The following DOCK2 variants were observed in gnomAD, a reference collection of about 807,000 sequenced individuals.
The protein encoded by DOCK2 is dedicator of cytokinesis 2.
DOCK2 carries 87 observed loss-of-function variants against 248.9 expected under a neutral mutation model. That is an observed-to-expected ratio of 0.35 (90% CI 0.29 to 0.42). The LOEUF is 0.42. DOCK2 is among the 10% of genes least tolerant of loss of function. The probability of loss-of-function intolerance (pLI) is 1.00; values close to 1 mark genes in which losing one functional copy is unlikely to be tolerated. For missense variants in DOCK2, 1,747 were observed against 2,300.2 expected, an observed-to-expected ratio of 0.76 and a Z score of 4.92; for synonymous variants, 805 against 821.6, an observed-to-expected ratio of 0.98 and a Z score of 0.35.
At chr5:169,739,067 A>C (rs1235728215) in intron 22 of DOCK2, among the ~76,000 whole-genome samples, 1 of 152,190 alleles carries the variant, frequency 6.6e-6, no homozygotes, top group Non-Finnish European at 1.5e-5. Flanking sequence ...AGCAAGGAAA[A>C]TGTTAAAAGA....
intron 27 of DOCK2, among the ~76,000 whole-genome samples, chr5:169,944,642 C>G (rs904913177): frequency 2.0e-5 from 3 of 152,322 alleles, no homozygotes; most frequent in African/African-American, 7.2e-5. Flanking sequence ...TGGGGACAAT[C>G]CCCACTTCAC....
intron 20 of DOCK2, 45 bp from the exon 21 acceptor site, chr5:169,717,339 C>A: frequency 1.9e-6 from 3 of 1,542,246 alleles, no homozygotes; most frequent in Non-Finnish European, 2.7e-6. Flanking sequence ...TGGCTTCCTG[C>A]CCTGGGTTTG....
intron 27 of DOCK2, among the ~76,000 whole-genome samples, chr5:169,932,230 G>A (rs1187121017): frequency 6.6e-6 from 1 of 152,260 alleles, no homozygotes; most frequent in East Asian, 1.9e-4. Flanking sequence ...AAGGAGGGTG[G>A]GTCCCTGAGT....
At chr5:169,845,693 C>T (rs1433714215) in intron 27 of DOCK2, among the ~76,000 whole-genome samples, 1 of 152,188 alleles carries the variant, frequency 6.6e-6, no homozygotes, top group African/African-American at 2.4e-5. Context: ...TCTGGCTCAT[C>T]CCTGAAGCCT....
At chr5:169,900,741 T>C (rs1393753194) in intron 27 of DOCK2, among the ~76,000 whole-genome samples, 1 of 152,108 alleles carries the variant, frequency 6.6e-6, no homozygotes, top group Non-Finnish European at 1.5e-5. Context: ...TATCTTTCAA[T>C]ACACCAAGTC....
At chr5:169,652,827 A>C (rs1380032491) in intron 1 of DOCK2, among the ~76,000 whole-genome samples, 1 of 152,148 alleles carries the variant, frequency 6.6e-6, no homozygotes, top group Non-Finnish European at 1.5e-5. Flanking sequence ...TCTGTGATGC[A>C]AAAGAATCTG....
At chr5:169,821,730 C>T (rs1175698938) in intron 26 of DOCK2, among the ~76,000 whole-genome samples, 2 of 152,138 alleles carry the variant, frequency 1.3e-5, no homozygotes, top group Non-Finnish European at 1.5e-5. Context: ...CAAAAACCAG[C>T]TAACATCATA....
rs571141093 is a variant in DOCK2, at chr5:170,045,762, G to A, written c.3877-54G>A. 19 of 1,560,552 alleles carry A rather than the reference G, an allele frequency of 1.2e-5. 1 individual carries two copies. Among genetic ancestry groups the A allele is most frequent in the African/African-American group, 1.1e-4 (8 of 73,778 alleles). On this transcript the variant is annotated intron_variant, in intron 38 of 51. Coordinates refer to ENST00000520908, the MANE Select transcript of DOCK2 (RefSeq NM_004946.3). Reference sequence around the variant, plus strand: ...CGCCTGAGTCCCTTCCTCAGCAAGCGCTCTGCAAACCCGGTGGTGCCACCT... The same window carrying A: ...CGCCTGAGTCCCTTCCTCAGCAAGCACTCTGCAAACCCGGTGGTGCCACCT...
intron 27 of DOCK2, among the ~76,000 whole-genome samples, chr5:169,895,840 C>T (rs1287361493): frequency 5.3e-5 from 8 of 152,206 alleles, no homozygotes; most frequent in African/African-American, 9.7e-5. Context: ...GCTCACATAA[C>T]GCAGTGCCTG....
intron 6 of DOCK2, among the ~76,000 whole-genome samples, chr5:169,681,113 C>CTTTTTT (rs764614478): frequency 2.1e-5 from 2 of 94,232 alleles, no homozygotes; most frequent in Non-Finnish European, 2.2e-5. Context: ...TTTAGTAGAC[C>CTTTTTT]TTTTTTTTTT....
At chr5:169,750,589 G>T (rs1045398989) in intron 23 of DOCK2, among the ~76,000 whole-genome samples, 1 of 152,222 alleles carries the variant, frequency 6.6e-6, no homozygotes, top group Non-Finnish European at 1.5e-5. Context: ...GGTGGTTCTT[G>T]TCTGGGTAGC....
intron 27 of DOCK2, among the ~76,000 whole-genome samples, chr5:169,930,941 C>T (rs1447214250): frequency 6.6e-6 from 1 of 152,210 alleles, no homozygotes; most frequent in Non-Finnish European, 1.5e-5. Context: ...CATCACATGT[C>T]ATGGGCCAGT....
intron 11 of DOCK2, among the ~76,000 whole-genome samples, chr5:169,699,018 C>T (rs188091861): frequency 8.5e-5 from 13 of 152,268 alleles, no homozygotes; most frequent in Admixed American, 7.2e-4. Flanking sequence ...CTTAATAGCC[C>T]TAAGGATGGT....
chr5:169,761,566 A>G lies in DOCK2; in HGVS notation c.2495A>G (p.Gln832Arg), dbSNP rs1169398754. 1.9e-6 allele frequency: 3 copies of G among 1,614,024 alleles called. No individual in the cohort carries two copies. The South Asian group carries it at 3.3e-5, about 18-fold the overall frequency. ...ACCTGCATCCCTCCTGTGAAACTCC[A>G]GAAGCAGAAAGTACAGTCTATGAAT... ...FYTCIPPVKLQKQKVQSMNEI... is the reference protein window; with the variant it reads ...FYTCIPPVKLRKQKVQSMNEI... Residue 832 changes from glutamine to arginine, a missense_variant, in exon 25 of 52, where the codon CAG becomes CGG. Coordinates refer to ENST00000520908, the MANE Select transcript of DOCK2 (RefSeq NM_004946.3).
chr5:170,028,563 ACAT>A (rs1269022023), intron 34 of DOCK2: 1 of 154,408 alleles, frequency 6.5e-6, no homozygotes, highest in African/African-American at 2.4e-5. Context: ...TGGAGTCAGG[ACAT>A]CATTTTAACA....
At chr5:170,046,859 G>T (rs564003863) in intron 39 of DOCK2, among the ~76,000 whole-genome samples, 1 of 151,992 alleles carries the variant, frequency 6.6e-6, no homozygotes, top group Non-Finnish European at 1.5e-5. Context: ...ACAGGCCCCC[G>T]TCTAGATCCA....
intron 8 of DOCK2, 80 bp downstream of exon 8, chr5:169,684,430 G>A: frequency 6.5e-7 from 1 of 1,528,172 alleles, no homozygotes; most frequent in Non-Finnish European, 8.9e-7. Flanking sequence ...ATCCTCACTT[G>A]TGGAGCAATC....
intron 26 of DOCK2, among the ~76,000 whole-genome samples, chr5:169,824,598 C>T (rs558649997): frequency 6.6e-6 from 1 of 152,284 alleles, no homozygotes; most frequent in Non-Finnish European, 1.5e-5. Context: ...GGATCCCTTC[C>T]TTACACCTTA....
chr5:169,815,022 T>G (rs1005030449), intron 26 of DOCK2, among the ~76,000 whole-genome samples: 2 of 152,210 alleles, frequency 1.3e-5, no homozygotes, highest in African/African-American at 4.8e-5. Context: ...AACCCAGGAC[T>G]AGGCTCTGGG....
Sources: allele counts gnomAD v4.1 joint callset (sites outside exome capture counted in the v4.1 genomes callset), GRCh38; gene constraint gnomAD v4.1.1; transcripts MANE v1.5; gene names NCBI Gene and HGNC (gene_info 2026-07-23, HGNC 2026-07-21).